The following FNBP1L variants were observed in gnomAD, a reference collection of about 807,000 sequenced individuals.
FNBP1L encodes the protein formin binding protein 1 like, also known as formin-binding protein 1-like.
A neutral mutation model predicts 91.2 loss-of-function variants in FNBP1L; 36 were observed. The observed-to-expected ratio is 0.39, with a 90% CI of 0.30 to 0.52. The LOEUF (loss-of-function observed/expected upper bound fraction) is 0.52, where lower values mean the gene tolerates loss of function less well. FNBP1L is among the 20% of genes least tolerant of loss of function. The pLI, the probability that FNBP1L is intolerant of heterozygous loss-of-function variation, is 0.66. For missense variants in FNBP1L, 571 were observed against 732.1 expected, an observed-to-expected ratio of 0.78 and a Z score of 2.54; for synonymous variants, 242 against 237.0, an observed-to-expected ratio of 1.02 and a Z score of -0.19.
chr1:93,530,508 T>C (rs1251285236), intron 6 of FNBP1L, among the ~76,000 whole-genome samples: 1 of 152,106 alleles, frequency 6.6e-6, no homozygotes, highest in Non-Finnish European at 1.5e-5. Context: ...GGGAATACTA[T>C]TGTAATGAGA....
intron 1 of FNBP1L, among the ~76,000 whole-genome samples, chr1:93,461,998 A>C (rs1369971163): frequency 6.6e-6 from 1 of 152,194 alleles, no homozygotes; most frequent in Non-Finnish European, 1.5e-5. Context: ...TGCCATGCTG[A>C]CATCACCTGC....
chr1:93,514,167 T>G (rs1200365532), intron 2 of FNBP1L, among the ~76,000 whole-genome samples: 2 of 152,220 alleles, frequency 1.3e-5, no homozygotes, highest in African/African-American at 4.8e-5. Flanking sequence ...CCATTCACAA[T>G]TGCTTCAAAG....
chr1:93,474,230 G>C lies in FNBP1L; in HGVS notation c.25-25238G>C, dbSNP rs188034460. ...TGCACTCCAGCCTGGGTGACAAAGT[G>C]AGACTCCGTCTCAAAAAAAACAAAA... is the stretch of plus-strand genomic sequence containing the variant. On this transcript the variant is annotated intron_variant, in intron 1 of 16. Coordinates refer to ENST00000271234, the MANE Select transcript of FNBP1L (RefSeq NM_001164473.3). 2.9e-4 allele frequency among the ~76,000 whole-genome samples: 44 copies of C among 152,202 alleles called. No homozygotes were observed. The East Asian group carries it at 7.2e-3, about 25-fold the overall frequency.
intron 11 of FNBP1L, among the ~76,000 whole-genome samples, chr1:93,542,180 G>A (rs1299601237): frequency 6.6e-6 from 1 of 151,884 alleles, no homozygotes; most frequent in East Asian, 1.9e-4. Context: ...GGAGGCTAAG[G>A]CGGGAGGATT....
intron 6 of FNBP1L, among the ~76,000 whole-genome samples, chr1:93,530,100 A>T (rs1047706042): frequency 6.6e-6 from 1 of 152,128 alleles, no homozygotes; most frequent in African/African-American, 2.4e-5. Context: ...GACTTTGTAC[A>T]AGAGATCAAG....
At chr1:93,449,144 C>T (rs1287641827) in intron 1 of FNBP1L, among the ~76,000 whole-genome samples, 1 of 152,160 alleles carries the variant, frequency 6.6e-6, no homozygotes, top group Non-Finnish European at 1.5e-5. Flanking sequence ...TCCTCCTTGC[C>T]TTTCTTTGGC....
intron 12 of FNBP1L, 121 bp from the exon 13 acceptor site, chr1:93,546,721 T>TTAAAA: frequency 9.6e-7 from 1 of 1,045,418 alleles, no homozygotes. Context: ...TAGACAAACT[T>TTAAAA]AAAAAGATGT....
At chr1:93,521,972 T>G (rs1484073567) in intron 2 of FNBP1L, 110 bp from the exon 3 acceptor site, 6 of 526,968 alleles carry the variant, frequency 1.1e-5, no homozygotes, top group Non-Finnish European at 1.9e-5. Context: ...GCTGTCTTAA[T>G]TGTTTTATAT....
At chr1:93,521,603 G>A (rs1385065152) in intron 2 of FNBP1L, among the ~76,000 whole-genome samples, 1 of 152,088 alleles carries the variant, frequency 6.6e-6, no homozygotes, top group East Asian at 1.9e-4. Flanking sequence ...ATCATCTCTA[G>A]ATTATTTAGA....
rs1433473143 is a variant in FNBP1L at position 93,553,432 on chromosome 1, T to C, written c.*1016T>C. On this transcript the variant is annotated 3_prime_UTR_variant, in exon 17 of 17. Coordinates refer to ENST00000271234, the MANE Select transcript of FNBP1L (RefSeq NM_001164473.3). ...TGCCGATGTAGCCTCGGTAGGTGGCTATTAGAGCTCTACCATATACAGTGG... is the reference window on the plus strand; with the variant it reads ...TGCCGATGTAGCCTCGGTAGGTGGCCATTAGAGCTCTACCATATACAGTGG... The C allele has an allele frequency of 6.5e-6, 1 of 152,688 alleles. No homozygotes were observed. The highest frequency in any genetic ancestry group is 2.4e-5 in the African/African-American group (1 of 41,472). The allele number at this position is 152,688 out of a possible 1,614,324, so 9.5% of individuals were successfully genotyped here. A position where few individuals can be genotyped will look rare whatever the true frequency, so the allele number is the denominator to read the frequency against.
intron 1 of FNBP1L, among the ~76,000 whole-genome samples, chr1:93,494,608 A>G (rs1405770802): frequency 6.6e-6 from 1 of 152,208 alleles, no homozygotes; most frequent in Non-Finnish European, 1.5e-5. Flanking sequence ...TATTATGAAT[A>G]ACAAAAGATG....
intron 1 of FNBP1L, among the ~76,000 whole-genome samples, chr1:93,473,218 A>C (rs1287797046): frequency 6.6e-6 from 1 of 152,022 alleles, no homozygotes; most frequent in African/African-American, 2.4e-5. Flanking sequence ...AGTGATTTTG[A>C]ACCATTTTAT....
intron 1 of FNBP1L, among the ~76,000 whole-genome samples, chr1:93,484,232 A>G (rs7554661): frequency 0.027 from 4,054 of 152,204 alleles, 159 homozygotes; most frequent in African/African-American, 0.09. Context: ...TGGCTGGGCA[A>G]ATAGTTTCAT....
chr1:93,486,517 A>G (rs1373457755), intron 1 of FNBP1L, among the ~76,000 whole-genome samples: 1 of 152,122 alleles, frequency 6.6e-6, no homozygotes, highest in African/African-American at 2.4e-5. Context: ...CCCTCACAAC[A>G]ACCCTGTAAG....
At chr1:93,501,060 A>G (rs1402364091) in intron 2 of FNBP1L, among the ~76,000 whole-genome samples, 4 of 152,148 alleles carry the variant, frequency 2.6e-5, no homozygotes, top group Non-Finnish European at 5.9e-5. Flanking sequence ...CAGCTACCAG[A>G]TGTATTCTTG....
At chr1:93,483,889 A>G (rs1669805541) in intron 1 of FNBP1L, among the ~76,000 whole-genome samples, 1 of 152,242 alleles carries the variant, frequency 6.6e-6, no homozygotes, top group Non-Finnish European at 1.5e-5. Context: ...AAGTCAAGAC[A>G]TCTGCATCAT....
At chr1:93,470,232 G>A (rs1006675790) in intron 1 of FNBP1L, among the ~76,000 whole-genome samples, 8 of 152,144 alleles carry the variant, frequency 5.3e-5, no homozygotes, top group African/African-American at 1.9e-4. Flanking sequence ...CTGGGCTCAA[G>A]TGAGCATCCT....
chr1:93,468,676 CT>C (rs1669179723), intron 1 of FNBP1L, among the ~76,000 whole-genome samples: 1 of 152,182 alleles, frequency 6.6e-6, no homozygotes, highest in Non-Finnish European at 1.5e-5. Context: ...AGCAGTCTGC[CT>C]GCCTCGGCCT....
intron 1 of FNBP1L, among the ~76,000 whole-genome samples, chr1:93,478,393 C>A (rs959170222): frequency 6.6e-6 from 1 of 152,052 alleles, no homozygotes; most frequent in Non-Finnish European, 1.5e-5. Context: ...GGAGGATGAC[C>A]ATTTGGGAGA....
Sources: allele counts gnomAD v4.1 joint callset (sites outside exome capture counted in the v4.1 genomes callset), GRCh38; gene constraint gnomAD v4.1.1; transcripts MANE v1.5; gene names NCBI Gene and HGNC (gene_info 2026-07-23, HGNC 2026-07-21).